The following HES4 variants were observed in gnomAD, a reference collection of about 807,000 sequenced individuals.
The protein encoded by HES4 is transcription factor HES-4.
In HES4, 17 loss-of-function variants were observed where a neutral mutation model predicts 10.7. That is an observed-to-expected ratio of 1.59 (90% confidence interval 1.09 to 2.38). The LOEUF (loss-of-function observed/expected upper bound fraction) is 2.38. Among genes scored for constraint, HES4 ranks in the 30% most tolerant of loss-of-function variants. The pLI is 0.00. For synonymous variants in HES4, 189 were observed against 159.7 expected, an observed-to-expected ratio of 1.18 and a Z score of -1.38; for missense variants, 389 against 332.1, an observed-to-expected ratio of 1.17 and a Z score of -1.33.
Position 1,000,070 on chromosome 1 carries a change from C to G in HES4, c.-97G>C. On this transcript the variant is annotated 5_prime_UTR_variant, in exon 1 of 4. Transcript: ENST00000304952. ...GGCGAGCGCGCGGCGATCCGAGCCC[C>G]TAGGGCGGATCCCGGCTCCAGGCCC... 9.2e-7 allele frequency: 1 copy of G among 1,083,658 alleles called. No individual in the cohort carries two copies. The highest frequency in any genetic ancestry group is 1.1e-6 in the Non-Finnish European group (1 of 874,328). The allele number at this position is 1,083,658 out of a possible 1,614,324, so 67.1% of individuals were successfully genotyped here. A position where few individuals can be genotyped will look rare whatever the true frequency, so the allele number is the denominator to read the frequency against.
In HES4 at chr1:999,098, C is replaced by A; in HGVS notation, c.627G>T (p.Pro209=). The A allele has an allele frequency of 8.2e-7, 1 of 1,222,194 alleles. No individual in the cohort carries two copies. Among genetic ancestry groups the A allele is most frequent in the Non-Finnish European group, 1.0e-6 (1 of 981,510 alleles). 75.7% of individuals were successfully genotyped at this position (1,222,194 alleles called of 1,614,324 possible). Residue 209 remains proline (P), a synonymous_variant, in exon 4 of 4, where the codon CCG becomes CCT. Transcript: ENST00000304952. The part of the protein sequence containing the change: ...RALPAAPRAG[P]QGPGGPWRPW... The stretch of plus-strand genomic sequence containing the variant: ...GCCTCCAGGGCCCACCCGGGCCCTG[C>A]GGCCCCGCCCTGGGGGCGGCGGGCA...
At chr1:999,835 T>C (rs2100528178) in intron 1 of HES4, 31 bp downstream of exon 1, 3 of 1,597,296 alleles carry the variant, frequency 1.9e-6, no homozygotes, top group Non-Finnish European at 2.6e-6. Context: ...CGCCCCCCGG[T>C]CGCCCCCCTC....
Position 999,162 on chromosome 1 carries a change from A to G in HES4, c.563T>C (p.Leu188Pro). The change falls in exon 4 of 4, where the codon CTG (leucine) becomes CCG (proline). Residue 188 changes from leucine to proline, a missense_variant. Transcript: ENST00000304952. The part of the protein sequence containing the change: ...LLPSLGGPFP[L>P]LAPPLLPGLT... ...ACCCGGCAGCAGCGGCGGCGCGAGC[A>G]GAGGGAAGGGGCCGCCGAGCGATGG... The G allele has an allele frequency of 8.1e-7, 1 of 1,236,452 alleles. No homozygotes were observed. The highest frequency in any genetic ancestry group is 1.0e-6 in the Non-Finnish European group (1 of 992,600). 76.6% of individuals were successfully genotyped at this position (1,236,452 alleles called of 1,614,324 possible).
In HES4 at chr1:999,231, G is replaced by GCGGGGGCAGC; in HGVS notation, c.484_493dup (p.Ala165GlyfsTer66). The GCGGGGGCAGC allele has an allele frequency of 7.5e-7, 1 of 1,338,300 alleles. No individual in the cohort carries two copies. Among genetic ancestry groups the GCGGGGGCAGC allele is most frequent in the Non-Finnish European group, 9.5e-7 (1 of 1,051,544 alleles). 82.9% of individuals were successfully genotyped at this position (1,338,300 alleles called of 1,614,324 possible). On this transcript the variant is annotated frameshift_variant, in exon 4 of 4. Transcript: ENST00000304952. LOFTEE classifies it low-confidence loss of function (END_TRUNC). ...GTAGACCTCGGGCGCTGGGGCCTCTGCGGGGGCAGCCGGGGACAGCGAGGC... is the reference window on the plus strand; with the variant it reads ...GTAGACCTCGGGCGCTGGGGCCTCTGCGGGGGCAGCCGGGGGCAGCCGGGGACAGCGAGGC...
At position 999,548 on chromosome 1, in the gene HES4, G is replaced by T; in HGVS notation, c.270C>A (p.Ser90Arg). Residue 90 changes from serine (S) to arginine (R), a missense_variant, in exon 3 of 4, where the codon AGC (serine) becomes AGA (arginine). Coordinates refer to ENST00000304952, the MANE Select transcript of HES4 (RefSeq NM_021170.4). Reference protein sequence around the residue: ...ILEMTVRHLRSLRRVQVTAAL... With the variant: ...ILEMTVRHLRRLRRVQVTAAL... ...CACCCGTCACCTGCACGCGACGCAG[G>T]CTCCGCAGGTGTCTCACGGTCATCT... 3 of 1,603,248 alleles carry T rather than the reference G, an allele frequency of 1.9e-6. No individual in the cohort carries two copies. The highest frequency in any genetic ancestry group is 1.7e-6 in the Non-Finnish European group (2 of 1,176,212).
chr1:999,475 G>A (rs771209614), intron 3 of HES4, 43 bp from the exon 4 acceptor site: 1 of 1,558,974 alleles, frequency 6.4e-7, no homozygotes, highest in Non-Finnish European at 8.6e-7. Context: ...CCGGGTCCCG[G>A]GGGTCCCGCG....
rs1644003310 is a variant in HES4 at position 999,886 on chromosome 1, T to C, written c.88A>G (p.Ser30Gly). Residue 30 changes from serine to glycine, a missense_variant, in exon 1 of 4, where the codon AGC (serine) becomes GGC (glycine). Transcript: ENST00000304952. ...CCCACCTTGCGGTGCTCGGCCGCGC[T>C]CCGGGGCTTGTCTGGGGTCCGGCTG... The part of the protein sequence containing the change: ...SASRTPDKPR[S>G]AAEHRKSSKP... The C allele has an allele frequency of 2.8e-5, 42 of 1,517,038 alleles. No homozygotes were observed. In the East Asian group the frequency reaches 1.1e-3, roughly 41 times the overall value. The allele number at this position is 1,517,038 out of a possible 1,614,324, so 94.0% of individuals were successfully genotyped here.
chr1:999,910 TGGCGCTGGCC>T lies in HES4; in HGVS notation c.54_63del (p.Ser20GlyfsTer61). ...CTCCGGGGCTTGTCTGGGGTCCGGC[TGGCGCTGGCC>T]GGCGCTCCTGCCATCGGCGAGGCGC... On this transcript the variant is annotated frameshift_variant, in exon 1 of 4. Coordinates refer to ENST00000304952, the MANE Select transcript of HES4 (RefSeq NM_021170.4). LOFTEE classifies it high-confidence loss of function. 6.8e-7 allele frequency: 1 copy of T among 1,481,266 alleles called. No homozygotes were observed. Among genetic ancestry groups the T allele is most frequent in the Non-Finnish European group, 8.9e-7 (1 of 1,124,688 alleles). 91.8% of individuals were successfully genotyped at this position (1,481,266 alleles called of 1,614,324 possible).
intron 3 of HES4, 25 bp from the exon 4 acceptor site, chr1:999,457 G>A (rs754159274): frequency 6.4e-7 from 1 of 1,552,842 alleles, no homozygotes; most frequent in Admixed American, 2.0e-5. Context: ...CAGGAGGAGA[G>A]GTCGGTGCCG....
rs567970457 is a variant in HES4, at chr1:999,365, C to G, written c.360G>C (p.Glu120Asp). 9.6e-5 allele frequency: 144 copies of G among 1,498,446 alleles called. No individual in the cohort carries two copies. Among genetic ancestry groups the G allele is most frequent in the Admixed American group, 4.5e-4 (19 of 42,200 alleles). The allele number at this position is 1,498,446 out of a possible 1,614,324, so 92.8% of individuals were successfully genotyped here. Residue 120 changes from glutamate (E) to aspartate (D), a missense_variant, in exon 4 of 4, where the codon GAG becomes GAC. By Grantham distance (45) the Glu-to-Asp change is conservative (BLOSUM62 2). Coordinates refer to ENST00000304952, the MANE Select transcript of HES4 (RefSeq NM_021170.4). ...CGCAGCCGGCCAGGAAGCGGTTCAC[C>G]TCCGCCAGACACTCGTGGAAGCCGG... is the stretch of plus-strand genomic sequence containing the variant. ...YRAGFHECLA[E>D]VNRFLAGCEG...
At position 999,310 on chromosome 1, in the gene HES4, G is replaced by C; in HGVS notation, c.415C>G (p.Leu139Val). The C allele has an allele frequency of 6.8e-7, 1 of 1,475,650 alleles. No homozygotes were observed. The highest frequency in any genetic ancestry group is 8.9e-7 in the Non-Finnish European group (1 of 1,119,818). 91.4% of individuals were successfully genotyped at this position (1,475,650 alleles called of 1,614,324 possible). The change falls in exon 4 of 4, where the codon CTG (leucine) becomes GTG (valine). Residue 139 changes from leucine (L) to valine (V), a missense_variant. Leu to Val is a conservative substitution (Grantham distance 32, BLOSUM62 1). Coordinates refer to ENST00000304952, the MANE Select transcript of HES4 (RefSeq NM_021170.4). ...AGGCAGGCTGCCAGGTGGCCCAGCA[G>C]GCGGGAGCGCACGTCGGCCGGGACG... is the stretch of plus-strand genomic sequence containing the variant. ...EGVPADVRSR[L>V]LGHLAACLRQ...
Position 1,000,010 on chromosome 1 carries a change from G to A in HES4, c.-37C>T, listed in dbSNP as rs1220375132. On this transcript the variant is annotated 5_prime_UTR_variant, in exon 1 of 4. Transcript: ENST00000304952. ...CGCCTCCCCGTGCCGGGTGGAGCGCGCCGCCACGGACCACGGGCGGGCTGG... is the reference window on the plus strand; with the variant it reads ...CGCCTCCCCGTGCCGGGTGGAGCGCACCGCCACGGACCACGGGCGGGCTGG... 2.3e-6 allele frequency: 3 copies of A among 1,325,224 alleles called. No individual in the cohort carries two copies. In the East Asian group the frequency reaches 1.0e-4, roughly 44 times the overall value. The allele number at this position is 1,325,224 out of a possible 1,614,324, so 82.1% of individuals were successfully genotyped here.
Position 1,000,033 on chromosome 1 carries a change from T to TGGCG in HES4, c.-64_-61dup. On this transcript the variant is annotated 5_prime_UTR_variant, in exon 1 of 4. Transcript: ENST00000304952. The stretch of plus-strand genomic sequence containing the variant: ...GCGCCGCCACGGACCACGGGCGGGC[T>TGGCG]GGCGGGCGAGCGGCGAGCGCGCGGC... The TGGCG allele has an allele frequency of 8.2e-7, 1 of 1,212,254 alleles. No homozygotes were observed. The highest frequency in any genetic ancestry group is 3.5e-5 in the South Asian group (1 of 28,326). The allele number at this position is 1,212,254 out of a possible 1,614,324, so 75.1% of individuals were successfully genotyped here.
At position 999,622 on chromosome 1, in the gene HES4, G is replaced by T. The variant is rs1040840388; in HGVS notation, c.205-9C>A. The T allele has an allele frequency of 1.2e-6, 2 of 1,606,272 alleles. No homozygotes were observed. The highest frequency in any genetic ancestry group is 1.7e-5 in the Admixed American group (1 of 59,444). Reference sequence around the variant, plus strand: ...TTCGAGTGGCGGGAGCTCTGGGGGCGGGGATAGGCGGGAGGTCCAGGTCAG... The same window carrying T: ...TTCGAGTGGCGGGAGCTCTGGGGGCTGGGATAGGCGGGAGGTCCAGGTCAG... On this transcript the variant is annotated splice_polypyrimidine_tract_variant and intron_variant, in intron 2 of 3. Coordinates refer to ENST00000304952, the MANE Select transcript of HES4 (RefSeq NM_021170.4).
In HES4 at chr1:999,569, C is replaced by CATCT; in HGVS notation, c.245_248dup (p.Met83IlefsTer146). 1 of 1,607,900 alleles carries CATCT rather than the reference C, an allele frequency of 6.2e-7. No homozygotes were observed. The highest frequency in any genetic ancestry group is 8.5e-7 in the Non-Finnish European group (1 of 1,178,024). On this transcript the variant is annotated frameshift_variant, in exon 3 of 4. Coordinates refer to ENST00000304952, the MANE Select transcript of HES4 (RefSeq NM_021170.4). LOFTEE classifies it low-confidence loss of function (END_TRUNC). ...GCAGGCTCCGCAGGTGTCTCACGGT[C>CATCT]ATCTCCAGGATGTCCGCCTTCTCCA...
Position 999,737 on chromosome 1 carries a change from G to A in HES4, c.159C>T (p.Ser53=), listed in dbSNP as rs769335589. The stretch of plus-strand genomic sequence containing the variant: ...GGATGAGGGTTTTGAGCTGAGCGAG[G>A]CTCTCGTTAATACGCGCTCGGCGCC... ...EKRRRARINE[S]LAQLKTLILD... The change falls in exon 2 of 4, where the codon AGC becomes AGT. Residue 53 remains serine, a synonymous_variant. Transcript: ENST00000304952. The A allele has an allele frequency of 3.7e-6, 6 of 1,611,778 alleles. No homozygotes were observed. Among genetic ancestry groups the A allele is most frequent in the East Asian group, 2.2e-5 (1 of 44,756 alleles).
chr1:999,988 C>T lies in HES4; in HGVS notation c.-15G>A. On this transcript the variant is annotated 5_prime_UTR_variant, in exon 1 of 4. Coordinates refer to ENST00000304952, the MANE Select transcript of HES4 (RefSeq NM_021170.4). ...TCTGCGGCCATGGTGCGCCCCGCGC[C>T]TCCCCGTGCCGGGTGGAGCGCGCCG... is the stretch of plus-strand genomic sequence containing the variant. 1.4e-6 allele frequency: 2 copies of T among 1,387,050 alleles called. No homozygotes were observed. The highest frequency in any genetic ancestry group is 1.5e-5 in the African/African-American group (1 of 64,944). The allele number at this position is 1,387,050 out of a possible 1,614,324, so 85.9% of individuals were successfully genotyped here.
Position 999,016 on chromosome 1 carries a change from T to C in HES4, c.*43A>G. On this transcript the variant is annotated 3_prime_UTR_variant, in exon 4 of 4. Transcript: ENST00000304952. ...ACAGTCTCGGCAAAGGCCACGGCCC[T>C]AGAACGGGGCGCCGCCTCCGATGCA... is the stretch of plus-strand genomic sequence containing the variant. The C allele has an allele frequency of 7.9e-7, 1 of 1,258,334 alleles. No individual in the cohort carries two copies. Among genetic ancestry groups the C allele is most frequent in the Non-Finnish European group, 1.0e-6 (1 of 997,164 alleles). 77.9% of individuals were successfully genotyped at this position (1,258,334 alleles called of 1,614,324 possible).
Position 999,914 on chromosome 1 carries a change from G to A in HES4, c.60C>T (p.Ser20=), listed in dbSNP as rs763268705. ...SASPMAGAPA[S]ASRTPDKPRS... The stretch of plus-strand genomic sequence containing the variant: ...GGGGCTTGTCTGGGGTCCGGCTGGC[G>A]CTGGCCGGCGCTCCTGCCATCGGCG... The change falls in exon 1 of 4, where the codon AGC becomes AGT. Residue 20 remains serine (S), a synonymous_variant. Coordinates refer to ENST00000304952, the MANE Select transcript of HES4 (RefSeq NM_021170.4). The A allele has an allele frequency of 8.8e-6, 13 of 1,471,708 alleles. No homozygotes were observed. The highest frequency in any genetic ancestry group is 3.0e-5 in the East Asian group (1 of 33,892). 91.2% of individuals were successfully genotyped at this position (1,471,708 alleles called of 1,614,324 possible).
Sources: allele counts gnomAD v4.1 joint callset, GRCh38; gene constraint gnomAD v4.1.1; transcripts MANE v1.5; gene names NCBI Gene and HGNC (gene_info 2026-07-23, HGNC 2026-07-21).